Variants in GID4 observed in about 807,000 individuals in gnomAD.
The protein encoded by GID4 is glucose-induced degradation protein 4 homolog.
In GID4, 7 loss-of-function variants were observed where a neutral mutation model predicts 32.4. The observed-to-expected ratio is 0.22, with a 90% CI of 0.12 to 0.41. GID4 has a LOEUF of 0.41. Among genes scored for constraint, GID4 ranks in the 10% least tolerant of loss-of-function variants. GID4 has a pLI of 1.00. For synonymous variants in GID4, 166 were observed against 170.0 expected (o/e 0.98, Z 0.18); for missense variants, 309 against 400.0 (o/e 0.77, Z 1.94).
chr17:18,059,603 A>G (rs1030006037), intron 4 of GID4, among the ~76,000 whole-genome samples: 2 of 152,144 alleles, frequency 1.3e-5, no homozygotes, highest in Admixed American at 6.6e-5. Context: ...TGATAACGTG[A>G]TATTTACAGC....
intron 5 of GID4, among the ~76,000 whole-genome samples, chr17:18,062,463 T>C (rs1431235504): frequency 6.6e-6 from 1 of 152,136 alleles, no homozygotes; most frequent in Non-Finnish European, 1.5e-5. Context: ...TCACCAATAG[T>C]AAAGGACTGA....
chr17:18,060,495 G>A (rs2045009711), intron 4 of GID4, among the ~76,000 whole-genome samples: 2 of 151,904 alleles, frequency 1.3e-5, no homozygotes, highest in Admixed American at 6.6e-5. Context: ...ATGCTCACGA[G>A]CTTGCCATCT....
rs554516929 is a variant in GID4, at chr17:18,065,455, C to T, written c.*212C>T. 8.6e-6 allele frequency: 5 copies of T among 579,034 alleles called. No homozygotes were observed. The highest frequency in any genetic ancestry group is 2.9e-5 in the Admixed American group (1 of 34,128). The allele number at this position is 579,034 out of a possible 1,614,324, so 35.9% of individuals were successfully genotyped here. ...GGGAGCAGTCTTCGTTCTTCCTCCC[C>T]TCAGTGGCAGTTTGGTCTTCACCTG... On this transcript the variant is annotated 3_prime_UTR_variant, in exon 6 of 6. Coordinates refer to ENST00000268719, the MANE Select transcript of GID4 (RefSeq NM_024052.5).
Position 18,065,253 on chromosome 17 carries a change from A to T in GID4, c.*10A>T, listed in dbSNP as rs182006393. On this transcript the variant is annotated 3_prime_UTR_variant, in exon 6 of 6. Coordinates refer to ENST00000268719, the MANE Select transcript of GID4 (RefSeq NM_024052.5). ...CTATGAATTCCGGTGACAACGGTTC[A>T]GAACAGCAACCAAATAAAACTGAAC... The T allele has an allele frequency of 3.7e-6, 6 of 1,609,734 alleles. No homozygotes were observed. In the East Asian group the frequency reaches 6.7e-5, roughly 18 times the overall value.
Position 18,039,671 on chromosome 17 carries a change from T to G in GID4, c.207T>G (p.Val69=). ...TCGGCTCCCGCGCGGCGGCGGCGGTTCCTCTCCCACTCCCCCCAGCCCTGG... is the reference window on the plus strand; with the variant it reads ...TCGGCTCCCGCGCGGCGGCGGCGGTGCCTCTCCCACTCCCCCCAGCCCTGG... ...TLLGSRAAAA[V]PLPLPPALAP... The change falls in exon 1 of 6, where the codon GTT becomes GTG. Residue 69 remains valine (V), a synonymous_variant. Coordinates refer to ENST00000268719, the MANE Select transcript of GID4 (RefSeq NM_024052.5). The surrounding 1 kb of genome is among the most constrained non-coding windows in gnomAD (Gnocchi z 5.3). 1 of 1,334,190 alleles carries G rather than the reference T, an allele frequency of 7.5e-7. No individual in the cohort carries two copies. Among genetic ancestry groups the G allele is most frequent in the Non-Finnish European group, 9.6e-7 (1 of 1,038,724 alleles). The allele number at this position is 1,334,190 out of a possible 1,614,324, so 82.6% of individuals were successfully genotyped here.
chr17:18,039,803 G>A lies in GID4; in HGVS notation c.339G>A (p.Gln113=). The change falls in exon 1 of 6, where the codon CAG becomes CAA. Residue 113 remains glutamine, a synonymous_variant. Transcript: ENST00000268719. This position sits in a 1 kb window ranked among gnomAD's most constrained non-coding sequence, Gnocchi z 5.3. ...SLIPPPPINT[Q]QPGVATSLLY... ...TCCCGCCGCCGCCCATCAACACCCAGCAGCCCGGCGTGGCCACCAGCCTGC... is the reference window on the plus strand; with the variant it reads ...TCCCGCCGCCGCCCATCAACACCCAACAGCCCGGCGTGGCCACCAGCCTGC... 6.3e-7 allele frequency: 1 copy of A among 1,576,200 alleles called. No homozygotes were observed. Among genetic ancestry groups the A allele is most frequent in the Non-Finnish European group, 8.6e-7 (1 of 1,162,494 alleles).
chr17:18,049,364 CAA>C (rs576086309), intron 2 of GID4, among the ~76,000 whole-genome samples: 14 of 120,528 alleles, frequency 1.2e-4, no homozygotes, highest in Non-Finnish European at 1.4e-4. Flanking sequence ...AGATAAGTGT[CAA>C]AAAAAAAAAA....
At chr17:18,048,622 T>C (rs2044879310) in intron 2 of GID4, among the ~76,000 whole-genome samples, 2 of 152,146 alleles carry the variant, frequency 1.3e-5, no homozygotes, top group Admixed American at 1.3e-4. Context: ...CATTTATGTT[T>C]GTTAAAATAT....
chr17:18,060,093 A>T (rs2045005316), intron 4 of GID4, among the ~76,000 whole-genome samples: 1 of 148,426 alleles, frequency 6.7e-6, no homozygotes, highest in Non-Finnish European at 1.5e-5. Flanking sequence ...TCAAAAAAAA[A>T]AAAAAAAAAA....
At chr17:18,056,372 AAGTGGTGTATGAAGGTGCTGG>A (rs2044967246) in intron 3 of GID4, among the ~76,000 whole-genome samples, 1 of 152,346 alleles carries the variant, frequency 6.6e-6, no homozygotes, top group South Asian at 2.1e-4. Flanking sequence ...GGGGGAGCCC[AAGTGGTGTATGAAGGTGCTGG>A]CCACCAGCAG....
chr17:18,050,157 T>G (rs1597693020), intron 2 of GID4, among the ~76,000 whole-genome samples: 2 of 152,366 alleles, frequency 1.3e-5, no homozygotes, highest in East Asian at 1.9e-4. Context: ...ACCCACTTTT[T>G]ACTATTGTGA....
chr17:18,052,075 C>T (rs1353864824), intron 2 of GID4, among the ~76,000 whole-genome samples: 1 of 99,570 alleles, frequency 1.0e-5, no homozygotes, highest in Non-Finnish European at 2.4e-5. Context: ...CTCTGTCCCT[C>T]CCCCCAAAAA....
At chr17:18,046,910 G>A (rs1225334889) in intron 2 of GID4, among the ~76,000 whole-genome samples, 2 of 117,350 alleles carry the variant, frequency 1.7e-5, no homozygotes, top group Non-Finnish European at 3.4e-5. Flanking sequence ...CAACAAGAGC[G>A]AAACTTTGTC....
Position 18,039,609 on chromosome 17 carries a change from C to A in GID4, c.145C>A (p.Arg49Ser). Residue 49 changes from arginine to serine, a missense_variant, in exon 1 of 6, where the codon CGT becomes AGT. Physicochemically the swap from Arg to Ser is moderately radical, Grantham distance 110 (BLOSUM62 -1). Coordinates refer to ENST00000268719, the MANE Select transcript of GID4 (RefSeq NM_024052.5). This position sits in a 1 kb window ranked among gnomAD's most constrained non-coding sequence, Gnocchi z 5.3. Reference protein sequence around the residue: ...GGRPSRPHPARARPGLSLPAT... With the variant: ...GGRPSRPHPASARPGLSLPAT... The stretch of plus-strand genomic sequence containing the variant: ...TCGCCCCTCCCGCCCCCACCCCGCG[C>A]GTGCGCGCCCCGGCCTCTCCCTCCC... 7.9e-7 allele frequency: 1 copy of A among 1,270,432 alleles called. No individual in the cohort carries two copies. Among genetic ancestry groups the A allele is most frequent in the South Asian group, 2.6e-5 (1 of 38,392 alleles). 78.7% of individuals were successfully genotyped at this position (1,270,432 alleles called of 1,614,324 possible).
At position 18,065,546 on chromosome 17, in the gene GID4, C is replaced by A; in HGVS notation, c.*303C>A. 1 of 372,628 alleles carries A rather than the reference C, an allele frequency of 2.7e-6. No homozygotes were observed. Among genetic ancestry groups the A allele is most frequent in the Non-Finnish European group, 5.0e-6 (1 of 198,240 alleles). The allele number at this position is 372,628 out of a possible 1,614,324, so 23.1% of individuals were successfully genotyped here. On this transcript the variant is annotated 3_prime_UTR_variant, in exon 6 of 6. Coordinates refer to ENST00000268719, the MANE Select transcript of GID4 (RefSeq NM_024052.5). ...CTAACTTCTACATCACTGAAATGCC[C>A]ATTCCTTCCTCCGTCCCACCTCCAG... is the stretch of plus-strand genomic sequence containing the variant.
chr17:18,065,894 G>A lies in GID4; in HGVS notation c.*651G>A, dbSNP rs560585280. 20 of 152,450 alleles carry A rather than the reference G, an allele frequency of 1.3e-4. No individual in the cohort carries two copies. The highest frequency in any genetic ancestry group is 4.3e-4 in the African/African-American group (18 of 41,576). 9.4% of individuals were successfully genotyped at this position (152,450 alleles called of 1,614,324 possible). On this transcript the variant is annotated 3_prime_UTR_variant, in exon 6 of 6. Coordinates refer to ENST00000268719, the MANE Select transcript of GID4 (RefSeq NM_024052.5). The stretch of plus-strand genomic sequence containing the variant: ...TAGTGAGTAGCTGTCAGGTTCCCTG[G>A]GCCTGCCATCAGGGATCACTAAATT...
At position 18,058,869 on chromosome 17, in the gene GID4, G is replaced by A; in HGVS notation, c.608G>A (p.Gly203Asp). Residue 203 changes from glycine to aspartate, a missense_variant and splice_region_variant, in exon 4 of 6, where the codon GGC becomes GAC. Physicochemically the swap from Gly to Asp is moderately conservative, Grantham distance 94. Coordinates refer to ENST00000268719, the MANE Select transcript of GID4 (RefSeq NM_024052.5). ...GCACACTCTCTTTTCTGCTTTCAGGGCAAGTTTCTGGCTTTTTATCAGTAT... is the reference window on the plus strand; with the variant it reads ...GCACACTCTCTTTTCTGCTTTCAGGACAAGTTTCTGGCTTTTTATCAGTAT... ...ADEDVDRKHWGKFLAFYQYAK... is the reference protein window; with the variant it reads ...ADEDVDRKHWDKFLAFYQYAK... 6.3e-7 allele frequency: 1 copy of A among 1,599,546 alleles called. No individual in the cohort carries two copies. The highest frequency in any genetic ancestry group is 8.6e-7 in the Non-Finnish European group (1 of 1,167,010).
chr17:18,045,903 A>G (rs575174965), intron 2 of GID4, among the ~76,000 whole-genome samples: 7 of 150,560 alleles, frequency 4.6e-5, no homozygotes, highest in South Asian at 2.1e-4. Context: ...AAAAAAAAAA[A>G]AAAGAAAGAA....
In GID4 at chr17:18,054,210, T is replaced by C; in HGVS notation, c.582T>C (p.Asp194=). Residue 194 remains aspartate, a synonymous_variant, in exon 3 of 6, where the codon GAT becomes GAC. Coordinates refer to ENST00000268719, the MANE Select transcript of GID4 (RefSeq NM_024052.5). ...HPFLTRKWDA[D]EDVDRKHWGK... The stretch of plus-strand genomic sequence containing the variant: ...TCTTAACTCGCAAGTGGGATGCAGA[T>C]GAAGATGTTGATCGGAAACACTGGG... 1.9e-6 allele frequency: 3 copies of C among 1,609,930 alleles called. No homozygotes were observed. The highest frequency in any genetic ancestry group is 1.7e-6 in the Non-Finnish European group (2 of 1,176,384).
Sources: allele counts gnomAD v4.1 joint callset (sites outside exome capture counted in the v4.1 genomes callset), GRCh38; gene constraint gnomAD v4.1.1; non-coding constraint Gnocchi (gnomAD v3.1); transcripts MANE v1.5; gene names NCBI Gene and HGNC (gene_info 2026-07-23, HGNC 2026-07-21).